The following CREB5 variants were observed in gnomAD, a reference collection of about 807,000 sequenced individuals.
CREB5 encodes the protein cyclic AMP-responsive element-binding protein 5.
In CREB5, 19 loss-of-function variants were observed where a neutral mutation model predicts 57.1. The observed-to-expected ratio is 0.33, with a 90% CI of 0.23 to 0.49. The LOEUF (loss-of-function observed/expected upper bound fraction) is 0.49. Ranked by LOEUF, CREB5 falls within the 20% of genes least tolerant of loss-of-function variation. The pLI, the probability that CREB5 is intolerant of heterozygous loss-of-function variation, is 0.99. For missense variants in CREB5, 579 were observed against 671.6 expected (o/e 0.86, Z 1.52); for synonymous variants, 238 against 238.3 (o/e 1.00, Z 0.01).
intron 1 of CREB5, among the ~76,000 whole-genome samples, chr7:28,332,210 C>T (rs1029830754): frequency 5.9e-5 from 9 of 152,144 alleles, no homozygotes; most frequent in Non-Finnish European, 1.2e-4. Flanking sequence ...AAACTGGAAG[C>T]GATTCTCCCG....
chr7:28,460,378 C>T (rs1790300783), intron 1 of CREB5, among the ~76,000 whole-genome samples: 1 of 152,162 alleles, frequency 6.6e-6, no homozygotes. Flanking sequence ...GATATACATG[C>T]TAGTGCTGTT....
At chr7:28,393,327 G>A (rs184772594) in intron 1 of CREB5, among the ~76,000 whole-genome samples, 3 of 152,264 alleles carry the variant, frequency 2.0e-5, no homozygotes, top group East Asian at 1.9e-4. Context: ...ACAAAGCAGC[G>A]AGCTAAAGGT....
chr7:28,347,173 A>G (rs1220224487), intron 1 of CREB5, among the ~76,000 whole-genome samples: 1 of 152,232 alleles, frequency 6.6e-6, no homozygotes, highest in Non-Finnish European at 1.5e-5. Context: ...GCAAACATGC[A>G]ATGTTAATTT....
At chr7:28,796,049 A>G (rs1252735387) in intron 7 of CREB5, among the ~76,000 whole-genome samples, 3 of 152,122 alleles carry the variant, frequency 2.0e-5, no homozygotes, top group Non-Finnish European at 2.9e-5. Context: ...CACTGCACTC[A>G]GCCCAAATTA....
At chr7:28,637,684 A>C (rs1798477876) in intron 5 of CREB5, among the ~76,000 whole-genome samples, 1 of 152,218 alleles carries the variant, frequency 6.6e-6, no homozygotes, top group Admixed American at 6.5e-5. Context: ...GGACGAAGGC[A>C]CTTTGGTGGG....
At chr7:28,697,482 A>G (rs948135912) in intron 5 of CREB5, among the ~76,000 whole-genome samples, 8 of 152,288 alleles carry the variant, frequency 5.3e-5, no homozygotes, top group African/African-American at 9.6e-5. Context: ...TGACTGGTCC[A>G]TATCTCCTCC....
At chr7:28,328,851 G>A (rs990162293) in intron 1 of CREB5, among the ~76,000 whole-genome samples, 4 of 152,270 alleles carry the variant, frequency 2.6e-5, no homozygotes, top group East Asian at 1.9e-4. Flanking sequence ...TGAAAACCAC[G>A]GCTTAGGGTA....
At chr7:28,684,562 C>T (rs1314950541) in intron 5 of CREB5, among the ~76,000 whole-genome samples, 1 of 152,224 alleles carries the variant, frequency 6.6e-6, no homozygotes, top group East Asian at 1.9e-4. Flanking sequence ...TCCCTGACCT[C>T]CATCAGTGGA....
chr7:28,430,871 A>G (rs958203206), intron 1 of CREB5, among the ~76,000 whole-genome samples: 5 of 152,164 alleles, frequency 3.3e-5, no homozygotes, highest in Non-Finnish European at 7.4e-5. Context: ...AGTGATCAAG[A>G]TACCTGCCAG....
intron 5 of CREB5, among the ~76,000 whole-genome samples, chr7:28,688,790 G>C (rs1342308364): frequency 2.6e-5 from 4 of 152,216 alleles, no homozygotes; most frequent in Non-Finnish European, 5.9e-5. Context: ...AAGATTATTA[G>C]TCATTGTGCA....
At chr7:28,500,243 CTG>C (rs1261086542) in intron 3 of CREB5, among the ~76,000 whole-genome samples, 1 of 152,136 alleles carries the variant, frequency 6.6e-6, no homozygotes, top group Non-Finnish European at 1.5e-5. Context: ...TAAAACATGA[CTG>C]TGATGGCAAG....
intron 1 of CREB5, among the ~76,000 whole-genome samples, chr7:28,376,005 G>T (rs766387205): frequency 6.0e-4 from 91 of 152,278 alleles, no homozygotes; most frequent in Admixed American, 1.0e-3. Context: ...CACGCAGTTG[G>T]CCTCCAGAGG....
chr7:28,456,169 A>G (rs1006960501), intron 1 of CREB5, among the ~76,000 whole-genome samples: 2 of 152,212 alleles, frequency 1.3e-5, no homozygotes, highest in Admixed American at 1.3e-4. Flanking sequence ...GCTAGAGTTT[A>G]CATCCTCCTC....
chr7:28,804,607 C>T (rs1808597117), intron 8 of CREB5, 85 bp downstream of exon 8: 7 of 1,505,414 alleles, frequency 4.6e-6, no homozygotes, highest in Non-Finnish European at 5.5e-6. Context: ...TTGCAGCAAT[C>T]TTGTTTGACA....
At chr7:28,311,287 T>C (rs1583661959) in intron 1 of CREB5, among the ~76,000 whole-genome samples, 1 of 152,182 alleles carries the variant, frequency 6.6e-6, no homozygotes, top group Admixed American at 6.5e-5. Flanking sequence ...GGGAGGCAGG[T>C]ACTCTTTCTA....
chr7:28,484,665 C>A (rs1791483694), intron 1 of CREB5, among the ~76,000 whole-genome samples: 1 of 152,208 alleles, frequency 6.6e-6, no homozygotes, highest in Non-Finnish European at 1.5e-5. Flanking sequence ...GCATGTAATA[C>A]ATTGATACAG....
intron 1 of CREB5, among the ~76,000 whole-genome samples, chr7:28,384,598 A>C (rs549959505): frequency 1.1e-4 from 17 of 152,154 alleles, no homozygotes; most frequent in Non-Finnish European, 1.9e-4. Context: ...ATAAAAAAAA[A>C]CCCAAAAGAT....
intron 5 of CREB5, among the ~76,000 whole-genome samples, chr7:28,578,444 A>G (rs1412796726): frequency 6.6e-6 from 1 of 152,234 alleles, no homozygotes; most frequent in Non-Finnish European, 1.5e-5. Flanking sequence ...CCCTGTGTGA[A>G]CTGAACATGT....
At chr7:28,528,728 A>AG in intron 4 of CREB5, among the ~76,000 whole-genome samples, 1 of 146,930 alleles carries the variant, frequency 6.8e-6, no homozygotes, top group Non-Finnish European at 1.5e-5. Context: ...AAAAAAAAAA[A>AG]GAGCGTGATT....
Sources: gnomAD v4.1 joint callset for allele counts (sites outside exome capture counted in the v4.1 genomes callset) on GRCh38, gnomAD v4.1.1 for gene constraint, MANE v1.5 for transcripts, NCBI Gene and HGNC (gene_info 2026-07-23, HGNC 2026-07-21) for gene names.